FGF13: variants seen among roughly 807,000 people sequenced by gnomAD.
FGF13 encodes the protein fibroblast growth factor homologous factor 2.
FGF13 carries 2 observed loss-of-function variants against 19.5 expected under a neutral mutation model. The ratio of observed to expected loss-of-function variants is 0.10; its 90% CI spans 0.04 to 0.32. FGF13 has a LOEUF of 0.32. Among genes scored for constraint, FGF13 ranks in the 10% least tolerant of loss-of-function variants. FGF13 has a pLI of 1.00. For synonymous variants in FGF13, 72 were observed against 76.9 expected (o/e 0.94, Z 0.33); for missense variants, 113 against 192.7 (o/e 0.59, Z 2.45).
At position 139,201,776 on chromosome X, in the gene FGF13, A is replaced by G. The variant is rs184819232; in HGVS notation, c.-113+1640T>C. On this transcript the variant is annotated intron_variant, in intron 1 of 2. Coordinates refer to the FGF13 transcript ENST00000421460. ...AAAATTTGGTCACATAAGACTTTTC[A>G]TATACTTGAAAGAAGAAAATACTAA... Among the ~76,000 whole-genome samples, 669 of 112,422 alleles carry G rather than the reference A, an allele frequency of 6.0e-3. 7 individuals carry two copies. The highest frequency in any genetic ancestry group is 0.02 in the African/African-American group (610 of 30,977).
At chrX:138,695,903 G>A (rs769411012) in intron 3 of FGF13, among the ~76,000 whole-genome samples, 57 of 111,992 alleles carry the variant, frequency 5.1e-4, no homozygotes, top group Non-Finnish European at 9.8e-4. Context: ...TGGGGAAGAT[G>A]AAAAACACAC....
At chrX:138,683,761 T>C (rs996867445) in intron 3 of FGF13, among the ~76,000 whole-genome samples, 1 of 111,604 alleles carries the variant, frequency 9.0e-6, no homozygotes, top group African/African-American at 3.3e-5. Context: ...ATATGAGTCA[T>C]AGGCCAAGGA....
At chrX:139,064,919 T>C (rs895584085) in intron 1 of FGF13, among the ~76,000 whole-genome samples, 4 of 111,694 alleles carry the variant, frequency 3.6e-5, no homozygotes, top group African/African-American at 1.3e-4. Context: ...TTTCATTAAG[T>C]TGATCTTCAA....
chrX:139,177,350 A>G (rs1236286203), intron 1 of FGF13, among the ~76,000 whole-genome samples: 1 of 104,038 alleles, frequency 9.6e-6, no homozygotes, highest in African/African-American at 3.6e-5. Flanking sequence ...AATACAGCAC[A>G]CTGATGGGTC....
chrX:139,179,082 G>A (rs1332103785), intron 1 of FGF13, among the ~76,000 whole-genome samples: 1 of 112,093 alleles, frequency 8.9e-6, no homozygotes, highest in African/African-American at 3.2e-5. Flanking sequence ...CATAACACAA[G>A]TGACTTTTTA....
At chrX:138,891,193 G>A (rs772146148) in intron 1 of FGF13, among the ~76,000 whole-genome samples, 66 of 111,780 alleles carry the variant, frequency 5.9e-4, no homozygotes, top group Middle Eastern at 4.2e-3. Context: ...GCTGAGGCAG[G>A]AGAATGCCGT....
chrX:138,925,242 A>G (rs1394113117), intron 1 of FGF13, among the ~76,000 whole-genome samples: 1 of 111,432 alleles, frequency 9.0e-6, no homozygotes, highest in East Asian at 2.8e-4. Context: ...AAACTCTGAA[A>G]AGTTATGATA....
upstream of FGF13, among the ~76,000 whole-genome samples, chrX:138,739,949 A>C (rs1236099927): frequency 8.9e-6 from 1 of 112,095 alleles, no homozygotes; most frequent in Non-Finnish European, 1.9e-5. Flanking sequence ...AGCCTATGAA[A>C]AGGCTTTTAG....
At chrX:139,076,744 A>T (rs1603185232) in intron 1 of FGF13, among the ~76,000 whole-genome samples, 1 of 112,133 alleles carries the variant, frequency 8.9e-6, no homozygotes, top group East Asian at 2.8e-4. Flanking sequence ...TATCACCTTG[A>T]CGTTGGGAAA....
At chrX:139,035,528 T>C (rs1272006260) in intron 1 of FGF13, among the ~76,000 whole-genome samples, 2 of 111,708 alleles carry the variant, frequency 1.8e-5, no homozygotes, top group Non-Finnish European at 3.8e-5. Context: ...AACACACTAG[T>C]TGCTGAAGAG....
chrX:138,968,334 A>T (rs1166861532), intron 1 of FGF13, among the ~76,000 whole-genome samples: 2 of 112,449 alleles, frequency 1.8e-5, no homozygotes, highest in African/African-American at 6.5e-5. Flanking sequence ...TTTCTTGACT[A>T]TGCAATCCTA....
At chrX:138,838,334 C>T (rs894301981) in intron 3 of FGF13, among the ~76,000 whole-genome samples, 3 of 111,773 alleles carry the variant, frequency 2.7e-5, no homozygotes, top group African/African-American at 3.3e-5. Flanking sequence ...GAAATGCTGG[C>T]GTATCTAAAG....
chrX:138,836,093 T>C (rs1259433606), intron 3 of FGF13, among the ~76,000 whole-genome samples: 1 of 111,529 alleles, frequency 9.0e-6, no homozygotes, highest in Non-Finnish European at 1.9e-5. Flanking sequence ...TGACCTGGCC[T>C]TTCTCTCTAG....
chrX:138,978,084 G>C (rs1034632980), intron 1 of FGF13, among the ~76,000 whole-genome samples: 7 of 110,837 alleles, frequency 6.3e-5, no homozygotes, highest in African/African-American at 1.3e-4. Context: ...TTCTATCATT[G>C]TAGAAAGCTC....
chrX:138,807,015 C>A (rs1426259896), intron 3 of FGF13: 1 of 111,244 alleles, frequency 9.0e-6, no homozygotes, highest in Non-Finnish European at 1.9e-5. Context: ...AAAAGGTCTA[C>A]AGCAAAATTG....
chrX:138,808,051 G>A (rs991040766), intron 3 of FGF13, among the ~76,000 whole-genome samples: 115 of 111,311 alleles, frequency 1.0e-3, no homozygotes, highest in Non-Finnish European at 1.8e-3. Flanking sequence ...AAGTTAACAA[G>A]GATATCCAGG....
In FGF13 at chrX:138,615,131, T is replaced by C. The variant is rs946256579; in HGVS notation, c.*17719A>G. The C allele has an allele frequency of 9.0e-6, 1 of 111,598 alleles. No homozygotes were observed. Among genetic ancestry groups the C allele is most frequent in the African/African-American group, 3.3e-5 (1 of 30,681 alleles). The allele number at this position is 111,598 out of a possible 1,213,427, so 9.2% of individuals were successfully genotyped here. The stretch of plus-strand genomic sequence containing the variant: ...TTGATCATTGTAGTGGTTACCCAAA[T>C]ATACACATGTGGTAAAATTGCATAG... On this transcript the variant is annotated 3_prime_UTR_variant, in exon 5 of 5. Transcript: ENST00000315930.
chrX:138,768,738 G>GATATATATATATATATATATAT (rs1207173971), intron 3 of FGF13, among the ~76,000 whole-genome samples: 2 of 94,766 alleles, frequency 2.1e-5, no homozygotes, highest in Non-Finnish European at 4.1e-5. Context: ...ATATATATAT[G>GATATATATATATATATATATAT]ATATATATAT....
chrX:138,791,256 C>G (rs770632749), intron 3 of FGF13, among the ~76,000 whole-genome samples: 122 of 111,845 alleles, frequency 1.1e-3, no homozygotes, highest in Non-Finnish European at 1.8e-3. Context: ...ACTATGGCAT[C>G]CTCAGATTTT....
Sources: allele counts gnomAD v4.1 joint callset (sites outside exome capture counted in the v4.1 genomes callset), GRCh38; gene constraint gnomAD v4.1.1; transcripts MANE v1.5; gene names NCBI Gene and HGNC (gene_info 2026-07-23, HGNC 2026-07-21).